The following ZNF385D variants were observed in gnomAD, a reference collection of about 807,000 sequenced individuals.
ZNF385D encodes the protein zinc finger protein 385D.
ZNF385D carries 15 observed loss-of-function variants against 35.8 expected under a neutral mutation model. The observed-to-expected ratio is 0.42, with a 90% CI of 0.28 to 0.64. The LOEUF is 0.64. Among genes scored for constraint, ZNF385D ranks in the 30% least tolerant of loss-of-function variants. The pLI, the probability that ZNF385D is intolerant of heterozygous loss-of-function variation, is 0.23. For synonymous variants in ZNF385D, 212 were observed against 186.8 expected, an observed-to-expected ratio of 1.13 and a Z score of -1.10; for missense variants, 474 against 494.6, an observed-to-expected ratio of 0.96 and a Z score of 0.39.
chr3:22,132,133 C>T (rs1403306410), intron 3 of ZNF385D, among the ~76,000 whole-genome samples: 1 of 152,072 alleles, frequency 6.6e-6, no homozygotes, highest in Non-Finnish European at 1.5e-5. Context: ...GTGTCCATGT[C>T]ATATTCATTT....
At chr3:21,445,870 A>C (rs1702120435) in intron 4 of ZNF385D, among the ~76,000 whole-genome samples, 2 of 151,948 alleles carry the variant, frequency 1.3e-5, no homozygotes, top group Admixed American at 6.6e-5. Context: ...ATCCTTAATC[A>C]TTTTCCTCTT....
At chr3:21,989,299 A>G (rs1695015090) in intron 3 of ZNF385D, among the ~76,000 whole-genome samples, 2 of 152,184 alleles carry the variant, frequency 1.3e-5, no homozygotes, top group African/African-American at 4.8e-5. Flanking sequence ...TGTAGTTATA[A>G]TAAACTGGTT....
At chr3:22,301,156 T>C (rs1470552656) in intron 2 of ZNF385D, among the ~76,000 whole-genome samples, 4 of 151,994 alleles carry the variant, frequency 2.6e-5, no homozygotes, top group Admixed American at 6.6e-5. Flanking sequence ...TGGAGGTCGT[T>C]TGTTAAGCGA....
At chr3:21,878,412 C>T (rs527446735) in intron 3 of ZNF385D, among the ~76,000 whole-genome samples, 1 of 151,978 alleles carries the variant, frequency 6.6e-6, no homozygotes, top group African/African-American at 2.4e-5. Context: ...AGTGCTACAG[C>T]AGTATGAAGG....
chr3:22,233,163 CAAT>C (rs991718789), intron 2 of ZNF385D, among the ~76,000 whole-genome samples: 4 of 149,382 alleles, frequency 2.7e-5, no homozygotes, highest in African/African-American at 9.9e-5. Context: ...TATCTCAAAA[CAAT>C]AAGAAATCTA....
chr3:21,519,837 T>C (rs1559368433), intron 3 of ZNF385D, among the ~76,000 whole-genome samples: 1 of 152,202 alleles, frequency 6.6e-6, no homozygotes, highest in Non-Finnish European at 1.5e-5. Flanking sequence ...CCTGGCTCCA[T>C]GTGTGACACA....
intron 3 of ZNF385D, among the ~76,000 whole-genome samples, chr3:22,113,163 A>G (rs1302482925): frequency 1.3e-5 from 2 of 152,080 alleles, no homozygotes; most frequent in Non-Finnish European, 2.9e-5. Flanking sequence ...ACGGCTCAAC[A>G]AGTAAGAATG....
At chr3:21,754,012 G>C (rs1488459301), upstream of ZNF385D, among the ~76,000 whole-genome samples, 1 of 152,116 alleles carries the variant, frequency 6.6e-6, no homozygotes, top group Non-Finnish European at 1.5e-5. Context: ...TCACAAATGA[G>C]AGGATCTTCC....
At chr3:21,953,745 A>T (rs977333624) in intron 3 of ZNF385D, among the ~76,000 whole-genome samples, 2 of 152,102 alleles carry the variant, frequency 1.3e-5, no homozygotes, top group Admixed American at 1.3e-4. Context: ...ACTAAAATAA[A>T]TATGATGCCT....
At chr3:21,471,525 C>T (rs1029117914) in intron 4 of ZNF385D, among the ~76,000 whole-genome samples, 1 of 152,092 alleles carries the variant, frequency 6.6e-6, no homozygotes, top group Middle Eastern at 3.2e-3. Flanking sequence ...TTCTCTTCAA[C>T]AAAATGTCAG....
chr3:22,078,041 A>G (rs755878838), intron 3 of ZNF385D, among the ~76,000 whole-genome samples: 1 of 152,000 alleles, frequency 6.6e-6, no homozygotes, highest in African/African-American at 2.4e-5. Flanking sequence ...AAAACTGAAG[A>G]CAATCTATCT....
chr3:21,842,148 G>T (rs1695722444), intron 3 of ZNF385D, among the ~76,000 whole-genome samples: 1 of 151,878 alleles, frequency 6.6e-6, no homozygotes, highest in Non-Finnish European at 1.5e-5. Context: ...ACAGATAACT[G>T]GTTATCAATA....
At chr3:22,338,328 A>T (rs767436318) in intron 2 of ZNF385D, among the ~76,000 whole-genome samples, 1 of 152,158 alleles carries the variant, frequency 6.6e-6, no homozygotes, top group Non-Finnish European at 1.5e-5. Flanking sequence ...TTTCCATATG[A>T]TCTTTTTAGT....
At chr3:22,033,613 C>A (rs1298281700) in intron 3 of ZNF385D, among the ~76,000 whole-genome samples, 1 of 151,832 alleles carries the variant, frequency 6.6e-6, no homozygotes, top group East Asian at 1.9e-4. Flanking sequence ...GAAATGCATT[C>A]TGAGAGCAAA....
intron 2 of ZNF385D, among the ~76,000 whole-genome samples, chr3:21,635,618 A>T (rs895537529): frequency 1.3e-5 from 2 of 151,896 alleles, no homozygotes; most frequent in Non-Finnish European, 2.9e-5. Flanking sequence ...TGGTTACATA[A>T]GTTCTTTAGT....
intron 2 of ZNF385D, among the ~76,000 whole-genome samples, chr3:22,176,770 A>T (rs1694857834): frequency 6.6e-6 from 1 of 152,134 alleles, no homozygotes; most frequent in Non-Finnish European, 1.5e-5. Context: ...TAATCTTCAA[A>T]TGACTCACCA....
At chr3:21,557,495 T>C (rs564110218) in intron 3 of ZNF385D, among the ~76,000 whole-genome samples, 3 of 152,324 alleles carry the variant, frequency 2.0e-5, no homozygotes, top group Admixed American at 6.5e-5. Flanking sequence ...GAACCAGCCT[T>C]GCATCCCAGG....
chr3:21,977,174 C>T (rs559936581), intron 3 of ZNF385D, among the ~76,000 whole-genome samples: 1 of 152,206 alleles, frequency 6.6e-6, no homozygotes, highest in South Asian at 2.1e-4. Context: ...TTCCAAGGGA[C>T]AGCACTGTGG....
chr3:22,075,194 T>C (rs948497817), intron 3 of ZNF385D, among the ~76,000 whole-genome samples: 6 of 151,874 alleles, frequency 4.0e-5, no homozygotes, highest in Admixed American at 6.6e-5. Flanking sequence ...TTATGGGTAA[T>C]AGCCTTTCTC....
Sources: gnomAD v4.1 joint callset for allele counts (sites outside exome capture counted in the v4.1 genomes callset) on GRCh38, gnomAD v4.1.1 for gene constraint, MANE v1.5 for transcripts, NCBI Gene and HGNC (gene_info 2026-07-23, HGNC 2026-07-21) for gene names.